Variants in RPTOR observed in about 807,000 individuals in gnomAD.
RPTOR encodes regulatory associated protein of MTOR complex 1.
In RPTOR, 21 loss-of-function variants were observed where a neutral mutation model predicts 169.9. That is an observed-to-expected ratio of 0.12 (90% CI 0.09 to 0.18). The LOEUF (loss-of-function observed/expected upper bound fraction) is 0.18, where lower values mean the gene tolerates loss of function less well. RPTOR is among the 10% of genes least tolerant of loss of function. RPTOR has a pLI of 1.00. For missense variants in RPTOR, 1,133 were observed against 1,855.9 expected, an observed-to-expected ratio of 0.61 and a Z score of 7.16; for synonymous variants, 732 against 753.2, an observed-to-expected ratio of 0.97 and a Z score of 0.46.
intron 19 of RPTOR, among the ~76,000 whole-genome samples, chr17:80,893,476 CGCGCCAGGGTGTGT>C (rs1173695050): frequency 3.8e-4 from 26 of 69,202 alleles, no homozygotes; most frequent in African/African-American, 9.9e-4. Flanking sequence ...TGTGTCTGTA[CGCGCCAGGGTGTGT>C]GCGCCAGGGT....
intron 5 of RPTOR, among the ~76,000 whole-genome samples, chr17:80,752,978 G>C (rs1195365110): frequency 7.5e-5 from 9 of 120,566 alleles, no homozygotes; most frequent in Non-Finnish European, 1.8e-4. Flanking sequence ...ACTTTTACGT[G>C]ACAAGTCTCA....
intron 7 of RPTOR, among the ~76,000 whole-genome samples, chr17:80,795,568 T>A (rs1023275343): frequency 2.0e-5 from 3 of 152,192 alleles, no homozygotes; most frequent in African/African-American, 7.2e-5. Flanking sequence ...GGTTTATTTT[T>A]TTTTTTTAAT....
At chr17:80,786,587 C>A (rs2066994159) in intron 6 of RPTOR, among the ~76,000 whole-genome samples, 1 of 152,180 alleles carries the variant, frequency 6.6e-6, no homozygotes, top group South Asian at 2.1e-4. Context: ...GGATACCATT[C>A]ATGGGCAGAA....
At chr17:80,797,438 G>C (rs533558157) in intron 7 of RPTOR, among the ~76,000 whole-genome samples, 5 of 152,364 alleles carry the variant, frequency 3.3e-5, no homozygotes, top group African/African-American at 1.2e-4. Flanking sequence ...ATGAGCCGCT[G>C]TGCCCGGCCA....
chr17:80,654,101 G>A (rs911582623), intron 3 of RPTOR, among the ~76,000 whole-genome samples: 2 of 152,234 alleles, frequency 1.3e-5, no homozygotes, highest in East Asian at 1.9e-4. Context: ...AGGTGGTGCC[G>A]TTTACTTCCA....
rs1203049670 is a variant in RPTOR, at chr17:80,885,066, C to T, written c.1901C>T (p.Thr634Met). Reference sequence around the variant, plus strand: ...TTCGTGGGCAACTCTGCAGAGAGGACGGACCACTCCACCACCATCGACCAC... The same window carrying T: ...TTCGTGGGCAACTCTGCAGAGAGGATGGACCACTCCACCACCATCGACCAC... ...GTFVGNSAERTDHSTTIDHNV... is the reference protein window; with the variant it reads ...GTFVGNSAERMDHSTTIDHNV... Residue 634 changes from threonine (T) to methionine (M), a missense_variant, in exon 17 of 34, where the codon ACG (threonine) becomes ATG (methionine). Transcript: ENST00000306801. The T allele has an allele frequency of 6.2e-7, 1 of 1,606,950 alleles. No homozygotes were observed. The highest frequency in any genetic ancestry group is 8.5e-7 in the Non-Finnish European group (1 of 1,177,538).
intron 9 of RPTOR, among the ~76,000 whole-genome samples, chr17:80,826,492 G>A (rs940437253): frequency 8.5e-5 from 13 of 152,252 alleles, no homozygotes; most frequent in Non-Finnish European, 1.8e-4. Context: ...GCGGTCACTG[G>A]TGCAGCCACT....
At chr17:80,807,987 C>T (rs1291674464) in intron 7 of RPTOR, among the ~76,000 whole-genome samples, 3 of 152,108 alleles carry the variant, frequency 2.0e-5, no homozygotes, top group Admixed American at 6.6e-5. Flanking sequence ...GAAACTATAA[C>T]GTGCATCCTG....
At chr17:80,738,661 T>C (rs1713116069) in intron 5 of RPTOR, among the ~76,000 whole-genome samples, 1 of 152,226 alleles carries the variant, frequency 6.6e-6, no homozygotes, top group African/African-American at 2.4e-5. Flanking sequence ...TTGACAATCA[T>C]GTGTTGTCTT....
At chr17:80,552,414 C>T (rs184292467) in intron 1 of RPTOR, among the ~76,000 whole-genome samples, 24 of 152,294 alleles carry the variant, frequency 1.6e-4, no homozygotes, top group Non-Finnish European at 2.2e-4. Context: ...CAGAGAGGCC[C>T]ACCATCACCC....
chr17:80,964,916 C>T lies in RPTOR; in HGVS notation c.*586C>T, dbSNP rs932382549. The T allele has an allele frequency of 2.4e-4, 56 of 233,732 alleles. No individual in the cohort carries two copies. Among genetic ancestry groups the T allele is most frequent in the African/African-American group, 1.2e-3 (56 of 45,358 alleles). The allele number at this position is 233,732 out of a possible 1,614,324, so 14.5% of individuals were successfully genotyped here. A position where few individuals can be genotyped will look rare whatever the true frequency, so the allele number is the denominator to read the frequency against. ...AAGAAGGAGACGCCCCTCCAACTGG[C>T]GGGTGTGAAGGAAGCCGCCCAGGGG... On this transcript the variant is annotated 3_prime_UTR_variant, in exon 34 of 34. Coordinates refer to ENST00000306801, the MANE Select transcript of RPTOR (RefSeq NM_020761.3).
intron 28 of RPTOR, among the ~76,000 whole-genome samples, chr17:80,956,604 C>T (rs566894490): frequency 6.6e-6 from 1 of 152,388 alleles, no homozygotes; most frequent in Admixed American, 6.5e-5. Flanking sequence ...CCTTAACAGC[C>T]TTCCTAAAGT....
chr17:80,549,573 A>C (rs1446427061), intron 1 of RPTOR, among the ~76,000 whole-genome samples: 1 of 152,100 alleles, frequency 6.6e-6, no homozygotes, highest in African/African-American at 2.4e-5. Context: ...TCGGCCTCCC[A>C]AAGTGCTGGG....
At chr17:80,566,400 T>TTA (rs1303775287) in intron 1 of RPTOR, among the ~76,000 whole-genome samples, 1 of 152,164 alleles carries the variant, frequency 6.6e-6, no homozygotes, top group African/African-American at 2.4e-5. Flanking sequence ...GATTTTATGG[T>TTA]ATGAACCTAT....
chr17:80,901,415 C>T (rs1419296073), intron 20 of RPTOR, among the ~76,000 whole-genome samples: 1 of 151,654 alleles, frequency 6.6e-6, no homozygotes, highest in African/African-American at 2.4e-5. Flanking sequence ...GAGTTTTATT[C>T]GTATATCATT....
chr17:80,604,073 A>G (rs1187584635), intron 1 of RPTOR, among the ~76,000 whole-genome samples: 1 of 152,152 alleles, frequency 6.6e-6, no homozygotes, highest in East Asian at 1.9e-4. Context: ...ATACCAACTT[A>G]TCCTTTCCTT....
At chr17:80,937,852 C>T (rs1480818456) in intron 24 of RPTOR, among the ~76,000 whole-genome samples, 1 of 152,228 alleles carries the variant, frequency 6.6e-6, no homozygotes, top group East Asian at 1.9e-4. Context: ...CCTCTCCATC[C>T]ACCGCTCTCC....
At position 80,963,144 on chromosome 17, in the gene RPTOR, C is replaced by T. The variant is rs997693168; in HGVS notation, c.3939+87C>T. The T allele has an allele frequency of 5.4e-6, 7 of 1,285,484 alleles. No homozygotes were observed. In the African/African-American group the frequency reaches 1.0e-4, roughly 19 times the overall value. 79.6% of individuals were successfully genotyped at this position (1,285,484 alleles called of 1,614,324 possible). On this transcript the variant is annotated intron_variant, in intron 33 of 33. Transcript: ENST00000306801. ...GGGGACAAGGCAGCAGGGGTCCTGC[C>T]TGGCTACCCCACACCACAGTGGGGC...
At chr17:80,926,497 A>T (rs2068813571) in intron 24 of RPTOR, among the ~76,000 whole-genome samples, 1 of 152,220 alleles carries the variant, frequency 6.6e-6, no homozygotes, top group Non-Finnish European at 1.5e-5. Flanking sequence ...AAATAATCAG[A>T]GATGTAGATG....
Sources: gnomAD v4.1 joint callset for allele counts (sites outside exome capture counted in the v4.1 genomes callset) on GRCh38, gnomAD v4.1.1 for gene constraint, MANE v1.5 for transcripts, NCBI Gene and HGNC (gene_info 2026-07-23, HGNC 2026-07-21) for gene names.